The following THAP4 variants were observed in gnomAD, a reference collection of about 807,000 sequenced individuals.
THAP4 encodes THAP domain containing 4, also known as peroxynitrite isomerase THAP4.
Under a neutral mutation model 48.1 loss-of-function variants are expected in THAP4, and 18 were observed. That is an observed-to-expected ratio of 0.37 (90% CI 0.26 to 0.56). The LOEUF (loss-of-function observed/expected upper bound fraction) is 0.56. Among genes scored for constraint, THAP4 ranks in the 20% least tolerant of loss-of-function variants. The pLI is 0.78. For missense variants in THAP4, 656 were observed against 774.9 expected, an observed-to-expected ratio of 0.85 and a Z score of 1.82; for synonymous variants, 345 against 324.9, an observed-to-expected ratio of 1.06 and a Z score of -0.66.
chr2:241,616,818 G>A lies in THAP4; in HGVS notation c.1241-10345C>T, dbSNP rs945250896. ...TGTGAGAAATACTTCCCTTCCTGTC[G>A]CCCTCCTGGCTTGCTGTTATTTGCT... is the stretch of plus-strand genomic sequence containing the variant. On this transcript the variant is annotated intron_variant, in intron 2 of 5. Transcript: ENST00000407315. This position sits in a 1 kb window ranked among gnomAD's most constrained non-coding sequence, Gnocchi z 4.6. Among the ~76,000 whole-genome samples, 14 of 151,872 alleles carry A rather than the reference G, an allele frequency of 9.2e-5. No individual in the cohort carries two copies. The highest frequency in any genetic ancestry group is 3.4e-4 in the African/African-American group (14 of 41,358).
At chr2:241,600,495 AG>A (rs1160162224) in intron 5 of THAP4, among the ~76,000 whole-genome samples, 4 of 152,176 alleles carry the variant, frequency 2.6e-5, no homozygotes, top group African/African-American at 9.7e-5. Context: ...TGGGAGGCCG[AG>A]GCAGGTGGAT....
intron 2 of THAP4, chr2:241,617,315 T>C: frequency 1.1e-6 from 1 of 882,154 alleles, no homozygotes; most frequent in Non-Finnish European, 1.8e-6. Context: ...TTTTCTTTTA[T>C]TGAAATCTCA....
rs1179324619 is a variant in THAP4, at chr2:241,637,053, G to A, written c.-36C>T. ...GGCCCAGCCGCGCAGCCAGGCCCCG[G>A]CCCTAGCCGCCCGCCCGCCCGCGGA... On this transcript the variant is annotated 5_prime_UTR_variant, in exon 1 of 6. Coordinates refer to ENST00000407315, the MANE Select transcript of THAP4 (RefSeq NM_015963.6). 4.4e-6 allele frequency: 5 copies of A among 1,143,250 alleles called. No individual in the cohort carries two copies. The African/African-American group carries it at 4.9e-5, about 11-fold the overall frequency. The allele number at this position is 1,143,250 out of a possible 1,614,324, so 70.8% of individuals were successfully genotyped here.
intron 5 of THAP4, among the ~76,000 whole-genome samples, chr2:241,591,663 C>G (rs942164372): frequency 6.6e-6 from 1 of 152,004 alleles, no homozygotes; most frequent in Non-Finnish European, 1.5e-5. Flanking sequence ...GGGTAGCTGG[C>G]CCTCATCTGA....
intron 1 of THAP4, among the ~76,000 whole-genome samples, chr2:241,634,901 C>CA (rs1263544064): frequency 6.6e-6 from 1 of 152,194 alleles, no homozygotes; most frequent in Non-Finnish European, 1.5e-5. Context: ...TGCAAAAAAA[C>CA]AAACACTGCA....
In THAP4 at chr2:241,601,440, G is replaced by A. The variant is rs890356514; in HGVS notation, c.1614+456C>T. 6.6e-6 allele frequency among the ~76,000 whole-genome samples: 1 copy of A among 152,126 alleles called. No individual in the cohort carries two copies. The highest frequency in any genetic ancestry group is 2.4e-5 in the African/African-American group (1 of 41,438). ...ATCTTTTATTTCTCAGATTTGAAAG[G>A]ACCGAAATTCTGAAAATACACCATG... On this transcript the variant is annotated intron_variant, in intron 5 of 5. Coordinates refer to ENST00000407315, the MANE Select transcript of THAP4 (RefSeq NM_015963.6). The surrounding 1 kb of genome is among the most constrained non-coding windows in gnomAD (Gnocchi z 4.0).
In THAP4 at chr2:241,601,693, CACT is replaced by C. The variant is rs2067114706; in HGVS notation, c.1614+200_1614+202del. 3.2e-6 allele frequency: 3 copies of C among 929,846 alleles called. No homozygotes were observed. The highest frequency in any genetic ancestry group is 4.7e-6 in the Non-Finnish European group (3 of 640,104). The allele number at this position is 929,846 out of a possible 1,614,324, so 57.6% of individuals were successfully genotyped here. A position where few individuals can be genotyped will look rare whatever the true frequency, so the allele number is the denominator to read the frequency against. On this transcript the variant is annotated intron_variant, in intron 5 of 5. Coordinates refer to ENST00000407315, the MANE Select transcript of THAP4 (RefSeq NM_015963.6). This position sits in a 1 kb window ranked among gnomAD's most constrained non-coding sequence, Gnocchi z 4.0. ...ACAACAAACCTCAAAAAAACCACAC[CACT>C]GACCAGCCGAGGAGGGGGCAATGAA... is the stretch of plus-strand genomic sequence containing the variant.
intron 2 of THAP4, chr2:241,617,340 AC>A: frequency 8.5e-7 from 1 of 1,172,996 alleles, no homozygotes; most frequent in Non-Finnish European, 1.2e-6. Context: ...AAACACAAAA[AC>A]AAAAATTTAA....
rs1230564750 is a variant in THAP4 at position 241,610,841 on chromosome 2, G to A, written c.1241-4368C>T. Among the ~76,000 whole-genome samples the A allele has an allele frequency of 1.3e-5, 2 of 150,198 alleles. No homozygotes were observed. Among genetic ancestry groups the A allele is most frequent in the Non-Finnish European group, 1.5e-5 (1 of 68,002 alleles). ...GGACGGGGACAGAGACACAGAGACAGAGAGACAGGGCCAGAGAGACACGGG... is the reference window on the plus strand; with the variant it reads ...GGACGGGGACAGAGACACAGAGACAAAGAGACAGGGCCAGAGAGACACGGG... On this transcript the variant is annotated intron_variant, in intron 2 of 5. Transcript: ENST00000407315. The surrounding 1 kb of genome is among the most constrained non-coding windows in gnomAD (Gnocchi z 4.2).
chr2:241,636,395 T>A (rs2067656531), intron 1 of THAP4, among the ~76,000 whole-genome samples: 5 of 152,140 alleles, frequency 3.3e-5, no homozygotes, highest in Admixed American at 3.3e-4. Context: ...GGGGCCCACG[T>A]GGGAAGCGGC....
chr2:241,628,879 G>A (rs6756549), intron 2 of THAP4, among the ~76,000 whole-genome samples: 112 of 134,356 alleles, frequency 8.3e-4, no homozygotes, highest in African/African-American at 2.6e-3. Flanking sequence ...GGTCGTGGCC[G>A]CAGTAAGACG....
intron 3 of THAP4, among the ~76,000 whole-genome samples, chr2:241,603,736 G>T (rs1002665949): frequency 5.9e-5 from 9 of 152,152 alleles, no homozygotes; most frequent in African/African-American, 2.2e-4. Flanking sequence ...CAATTCCTAC[G>T]GTAAAAAACA....
chr2:241,632,446 T>C (rs532701383), intron 2 of THAP4, among the ~76,000 whole-genome samples: 1 of 152,288 alleles, frequency 6.6e-6, no homozygotes, highest in Admixed American at 6.5e-5. Context: ...TTATTAATGT[T>C]CATGATGATT....
intron 5 of THAP4, among the ~76,000 whole-genome samples, chr2:241,588,938 C>G (rs560781230): frequency 1.3e-5 from 2 of 152,052 alleles, no homozygotes; most frequent in Non-Finnish European, 2.9e-5. Context: ...TTCTAGACTG[C>G]GCATGGTGGC....
chr2:241,636,604 C>A (rs2067662818), intron 1 of THAP4, among the ~76,000 whole-genome samples: 1 of 152,246 alleles, frequency 6.6e-6, no homozygotes, highest in South Asian at 2.1e-4. Context: ...GCCGACGGCC[C>A]GCGCGGTCCG....
intron 5 of THAP4, among the ~76,000 whole-genome samples, chr2:241,598,648 G>A (rs540123792): frequency 1.3e-5 from 2 of 152,222 alleles, no homozygotes; most frequent in South Asian, 4.2e-4. Flanking sequence ...CAGGGTTCGT[G>A]CTCCTATGAG....
chr2:241,631,691 C>G (rs777706862), intron 2 of THAP4, among the ~76,000 whole-genome samples: 2 of 152,166 alleles, frequency 1.3e-5, no homozygotes, highest in Admixed American at 1.3e-4. Context: ...GTTTGAACTT[C>G]TGGACTCAAG....
intron 2 of THAP4, among the ~76,000 whole-genome samples, chr2:241,625,633 TAAAA>T (rs1006940048): frequency 1.3e-5 from 2 of 150,224 alleles, no homozygotes; most frequent in Admixed American, 1.3e-4. Flanking sequence ...CCGTCTCTAC[TAAAA>T]AATACAAAAA....
intron 2 of THAP4, among the ~76,000 whole-genome samples, chr2:241,620,278 AGTC>A: frequency 2.6e-5 from 1 of 39,016 alleles, no homozygotes; most frequent in Non-Finnish European, 4.7e-5. Context: ...GGGGTGAGTG[AGTC>A]GTGAGTGAGG....
Sources: gnomAD v4.1 joint callset for allele counts (sites outside exome capture counted in the v4.1 genomes callset) on GRCh38, gnomAD v4.1.1 for gene constraint, Gnocchi (gnomAD v3.1) non-coding constraint, MANE v1.5 for transcripts, NCBI Gene and HGNC (gene_info 2026-07-23, HGNC 2026-07-21) for gene names.